The following R3HCC1L variants were observed in gnomAD, a reference collection of about 807,000 sequenced individuals.
The protein encoded by R3HCC1L is R3H domain and coiled-coil containing 1 like.
In R3HCC1L, 51 loss-of-function variants were observed where a neutral mutation model predicts 59.9. The observed-to-expected ratio is 0.85, with a 90% confidence interval of 0.68 to 1.07. The LOEUF (loss-of-function observed/expected upper bound fraction) is 1.07, where lower values mean the gene tolerates loss of function less well. R3HCC1L is among the 50% of genes least tolerant of loss of function. The pLI is 0.00. For synonymous variants in R3HCC1L, 322 were observed against 315.2 expected (o/e 1.02, Z -0.23); for missense variants, 965 against 933.0 (o/e 1.03, Z -0.45).
intron 4 of R3HCC1L, among the ~76,000 whole-genome samples, chr10:98,170,979 A>G (rs1437545950): frequency 6.6e-6 from 1 of 152,220 alleles, no homozygotes; most frequent in African/African-American, 2.4e-5. Flanking sequence ...CAGATGACCT[A>G]TGGGCAACCT....
chr10:98,208,735 T>A lies in R3HCC1L; in HGVS notation c.621T>A (p.Ile207=). The A allele has an allele frequency of 6.2e-7, 1 of 1,614,096 alleles. No individual in the cohort carries two copies. Among genetic ancestry groups the A allele is most frequent in the Non-Finnish European group, 8.5e-7 (1 of 1,180,002 alleles). ...AAGACAAAGATTTGGAAGGCAGAAT[T>A]GAAACTGATACCAAGGTTTTGGAGA... ...AFEDKDLEGR[I]ETDTKVLEIL... The change falls in exon 5 of 10, where the codon ATT becomes ATA. Residue 207 remains isoleucine (I), a synonymous_variant. Transcript: ENST00000298999.
intron 9 of R3HCC1L, among the ~76,000 whole-genome samples, chr10:98,239,714 T>C (rs1050109581): frequency 6.6e-6 from 1 of 152,194 alleles, no homozygotes; most frequent in Admixed American, 6.5e-5. Flanking sequence ...TATTTATTTA[T>C]TGAGACAGGG....
In R3HCC1L at chr10:98,208,688, G is replaced by C; in HGVS notation, c.574G>C (p.Glu192Gln). ...GGAATTCTGTGACTTCAGTAGGCAT[G>C]AACCTGATGGGGAAGCATTTGAAGA... ...NVEFCDFSRH[E>Q]PDGEAFEDKD... is the part of the protein sequence containing the mutation. Residue 192 changes from glutamate (E) to glutamine (Q), a missense_variant, in exon 5 of 10, where the codon GAA becomes CAA. Coordinates refer to ENST00000298999, the MANE Select transcript of R3HCC1L (RefSeq NM_001351015.2). 6.2e-7 allele frequency: 1 copy of C among 1,614,132 alleles called. No homozygotes were observed. Among genetic ancestry groups the C allele is most frequent in the Non-Finnish European group, 8.5e-7 (1 of 1,180,010 alleles).
At chr10:98,172,739 C>T (rs548691657) in intron 4 of R3HCC1L, among the ~76,000 whole-genome samples, 15 of 152,280 alleles carry the variant, frequency 9.9e-5, no homozygotes, top group African/African-American at 2.6e-4. Flanking sequence ...TGGGGTTTGG[C>T]GGGATGTGGC....
chr10:98,147,189 G>A (rs892292344), intron 1 of R3HCC1L, among the ~76,000 whole-genome samples: 2 of 152,060 alleles, frequency 1.3e-5, no homozygotes, highest in Non-Finnish European at 2.9e-5. Context: ...TCATATACCT[G>A]TTGGCCGTTT....
chr10:98,206,029 CAT>C (rs1259736405), intron 4 of R3HCC1L, among the ~76,000 whole-genome samples: 3 of 152,112 alleles, frequency 2.0e-5, no homozygotes, highest in Admixed American at 6.6e-5. Flanking sequence ...TCTGGAGAAA[CAT>C]AGAAACATAA....
chr10:98,182,973 T>G (rs553640228), intron 4 of R3HCC1L, among the ~76,000 whole-genome samples: 2 of 152,312 alleles, frequency 1.3e-5, no homozygotes, highest in South Asian at 4.2e-4. Context: ...GAAAGGGAAA[T>G]CCCCTGACCG....
intron 9 of R3HCC1L, among the ~76,000 whole-genome samples, chr10:98,241,146 C>T (rs967687027): frequency 6.6e-6 from 1 of 152,036 alleles, no homozygotes; most frequent in African/African-American, 2.4e-5. Flanking sequence ...GATTACTTCT[C>T]CTTGATCTAC....
intron 1 of R3HCC1L, among the ~76,000 whole-genome samples, chr10:98,146,402 G>A (rs898164839): frequency 1.3e-5 from 2 of 152,100 alleles, no homozygotes; most frequent in African/African-American, 4.8e-5. Context: ...TCAAACACTA[G>A]GTCGTATTTC....
intron 4 of R3HCC1L, among the ~76,000 whole-genome samples, chr10:98,196,507 A>G (rs1338090748): frequency 6.6e-6 from 1 of 151,960 alleles, no homozygotes; most frequent in Non-Finnish European, 1.5e-5. Flanking sequence ...TTTTCCTCCA[A>G]CTCAGCCTCC....
chr10:98,176,006 G>A (rs1410111218), intron 4 of R3HCC1L, among the ~76,000 whole-genome samples: 2 of 151,990 alleles, frequency 1.3e-5, no homozygotes, highest in Non-Finnish European at 2.9e-5. Flanking sequence ...ATTTCCACTT[G>A]TTTCGGCACC....
intron 4 of R3HCC1L, among the ~76,000 whole-genome samples, chr10:98,169,560 C>T (rs1848313228): frequency 6.6e-6 from 1 of 152,282 alleles, no homozygotes; most frequent in African/African-American, 2.4e-5. Flanking sequence ...TTCACTTTTG[C>T]TTGTAGGGCC....
At chr10:98,153,098 C>G (rs1047389115) in intron 1 of R3HCC1L, among the ~76,000 whole-genome samples, 2 of 152,184 alleles carry the variant, frequency 1.3e-5, no homozygotes, top group Non-Finnish European at 1.5e-5. Context: ...GGCCACCACC[C>G]CATCTGGGAG....
chr10:98,166,244 G>GGGA (rs928413949), intron 4 of R3HCC1L, among the ~76,000 whole-genome samples: 2 of 152,140 alleles, frequency 1.3e-5, no homozygotes, highest in African/African-American at 4.8e-5. Flanking sequence ...AGAATACAAT[G>GGGA]GGAAATCAAC....
Position 98,208,805 on chromosome 10 carries a change from G to A in R3HCC1L, c.691G>A (p.Glu231Lys). ...PRVFSSVMKP[E>K]NMIVPIKLSS... ...AGTTTTTAGTTCTGTCATGAAACCTGAGAATATGATTGTACCAATAAAACT... is the reference window on the plus strand; with the variant it reads ...AGTTTTTAGTTCTGTCATGAAACCTAAGAATATGATTGTACCAATAAAACT... Residue 231 changes from glutamate to lysine, a missense_variant, in exon 5 of 10, where the codon GAG becomes AAG. Physicochemically the swap from Glu to Lys is moderately conservative, Grantham distance 56. Transcript: ENST00000298999. The A allele has an allele frequency of 6.2e-7, 1 of 1,614,044 alleles. No individual in the cohort carries two copies. Among genetic ancestry groups the A allele is most frequent in the East Asian group, 2.2e-5 (1 of 44,854 alleles).
At chr10:98,210,703 T>C (rs1489502545) in intron 5 of R3HCC1L, among the ~76,000 whole-genome samples, 1 of 152,162 alleles carries the variant, frequency 6.6e-6, no homozygotes, top group African/African-American at 2.4e-5. Flanking sequence ...AAGTTGAAGC[T>C]CAGTGGTCAC....
At chr10:98,231,907 A>G (rs1479827849) in intron 6 of R3HCC1L, among the ~76,000 whole-genome samples, 1 of 152,178 alleles carries the variant, frequency 6.6e-6, no homozygotes, top group Non-Finnish European at 1.5e-5. Context: ...CCATTTTAGC[A>G]TTTAAGAAGA....
intron 2 of R3HCC1L, among the ~76,000 whole-genome samples, chr10:98,161,272 T>C (rs12256195): frequency 0.13 from 19,266 of 152,134 alleles, 1,267 homozygotes; most frequent in Middle Eastern, 0.17. Flanking sequence ...TTTCTCTTGT[T>C]ATTAGTGAAG....
At chr10:98,175,141 G>A (rs1848883304) in intron 4 of R3HCC1L, among the ~76,000 whole-genome samples, 1 of 151,946 alleles carries the variant, frequency 6.6e-6, no homozygotes. Flanking sequence ...GAAAGACTAT[G>A]GCCTCAAGAT....
Sources: gnomAD v4.1 joint callset for allele counts (sites outside exome capture counted in the v4.1 genomes callset) on GRCh38, gnomAD v4.1.1 for gene constraint, MANE v1.5 for transcripts, NCBI Gene and HGNC (gene_info 2026-07-23, HGNC 2026-07-21) for gene names.